Variants in FUBP3 observed in about 807,000 individuals in gnomAD.
FUBP3 encodes the protein far upstream element binding protein 3.
Under a neutral mutation model 85.6 loss-of-function variants are expected in FUBP3, and 28 were observed. That is an observed-to-expected ratio of 0.33 (90% CI 0.24 to 0.45). FUBP3 has a LOEUF of 0.45. Among genes scored for constraint, FUBP3 ranks in the 20% least tolerant of loss-of-function variants. FUBP3 has a pLI of 1.00. For missense variants in FUBP3, 583 were observed against 755.1 expected (o/e 0.77, Z 2.67); for synonymous variants, 271 against 271.4 (o/e 1.00, Z 0.01).
intron 5 of FUBP3, 51 bp from the exon 6 acceptor site, chr9:130,614,237 C>A: frequency 8.8e-7 from 1 of 1,140,026 alleles, no homozygotes; most frequent in Non-Finnish European, 1.3e-6. Flanking sequence ...GGCAGAGGTG[C>A]ATGTGCCCGG....
At chr9:130,611,026 C>T (rs1033247789) in intron 3 of FUBP3, among the ~76,000 whole-genome samples, 3 of 152,238 alleles carry the variant, frequency 2.0e-5, no homozygotes, top group East Asian at 1.9e-4. Flanking sequence ...TAGATTAGAA[C>T]GTTTTCTTCC....
chr9:130,611,195 A>T (rs1455903691), intron 3 of FUBP3, among the ~76,000 whole-genome samples: 1 of 152,202 alleles, frequency 6.6e-6, no homozygotes, highest in African/African-American at 2.4e-5. Flanking sequence ...GAGAGTAGAC[A>T]GAATAGACAG....
intron 1 of FUBP3, among the ~76,000 whole-genome samples, chr9:130,587,060 T>G (rs1231291201): frequency 3.2e-5 from 4 of 125,344 alleles, no homozygotes; most frequent in Admixed American, 1.6e-4. Context: ...TTTTTGTTTT[T>G]TTTTTTTGTT....
intron 2 of FUBP3, among the ~76,000 whole-genome samples, chr9:130,604,205 G>A (rs1400325851): frequency 6.6e-6 from 1 of 152,220 alleles, no homozygotes; most frequent in Non-Finnish European, 1.5e-5. Context: ...GTGGTTGCCA[G>A]TGGTTAGGGA....
intron 6 of FUBP3, among the ~76,000 whole-genome samples, chr9:130,615,184 C>G (rs1232217450): frequency 6.6e-6 from 1 of 152,188 alleles, no homozygotes; most frequent in Non-Finnish European, 1.5e-5. Flanking sequence ...TACAGGGCAA[C>G]TGGATGGTTT....
At chr9:130,598,186 A>G (rs967410410) in intron 2 of FUBP3, among the ~76,000 whole-genome samples, 1 of 152,178 alleles carries the variant, frequency 6.6e-6, no homozygotes, top group Admixed American at 6.5e-5. Flanking sequence ...TATTAGTGCT[A>G]ATTTCTTTCA....
At chr9:130,633,419 C>T (rs1830293370) in intron 16 of FUBP3, among the ~76,000 whole-genome samples, 1 of 152,198 alleles carries the variant, frequency 6.6e-6, no homozygotes, top group Admixed American at 6.5e-5. Flanking sequence ...AGATAATCCT[C>T]CAGGCAGCAA....
At position 130,612,630 on chromosome 9, in the gene FUBP3, A is replaced by G; in HGVS notation, c.274+125A>G. 1.4e-6 allele frequency: 1 copy of G among 723,436 alleles called. No homozygotes were observed. The highest frequency in any genetic ancestry group is 2.5e-6 in the Non-Finnish European group (1 of 406,988). 44.8% of individuals were successfully genotyped at this position (723,436 alleles called of 1,614,324 possible). A position where few individuals can be genotyped will look rare whatever the true frequency, so the allele number is the denominator to read the frequency against. On this transcript the variant is annotated intron_variant, in intron 4 of 18. Coordinates refer to ENST00000319725, the MANE Select transcript of FUBP3 (RefSeq NM_003934.2). The surrounding 1 kb of genome is among the most constrained non-coding windows in gnomAD (Gnocchi z 4.1). ...CTCTCTTGTGAGTATCACCTGTAGT[A>G]GAATGCTTTGCACATGCCATTCCCC...
chr9:130,583,716 T>TA (rs1468494348), intron 1 of FUBP3, among the ~76,000 whole-genome samples: 11 of 152,112 alleles, frequency 7.2e-5, no homozygotes, highest in African/African-American at 2.7e-4. Context: ...GCGGAGTGAG[T>TA]CTTCCTTAAA....
At chr9:130,606,691 A>C (rs1205753091) in intron 2 of FUBP3, among the ~76,000 whole-genome samples, 2 of 152,038 alleles carry the variant, frequency 1.3e-5, no homozygotes, top group African/African-American at 4.8e-5. Flanking sequence ...GTAGTGGCGC[A>C]TGCCTGTAAT....
Position 130,612,366 on chromosome 9 carries a change from C to T in FUBP3, c.225-90C>T, listed in dbSNP as rs367977850. The T allele has an allele frequency of 7.9e-6, 6 of 761,250 alleles. No homozygotes were observed. Among genetic ancestry groups the T allele is most frequent in the East Asian group, 4.9e-5 (2 of 40,412 alleles). The allele number at this position is 761,250 out of a possible 1,614,324, so 47.2% of individuals were successfully genotyped here. The stretch of plus-strand genomic sequence containing the variant: ...TGATGTATTTTAAGCTTTTATCATG[C>T]AACATTGCCAGTATGGGCAGTTTGG... On this transcript the variant is annotated intron_variant, in intron 3 of 18. Coordinates refer to ENST00000319725, the MANE Select transcript of FUBP3 (RefSeq NM_003934.2). The surrounding 1 kb of genome is among the most constrained non-coding windows in gnomAD (Gnocchi z 4.1).
intron 2 of FUBP3, among the ~76,000 whole-genome samples, chr9:130,600,214 T>C (rs992186763): frequency 1.3e-5 from 2 of 151,032 alleles, no homozygotes; most frequent in African/African-American, 4.9e-5. Flanking sequence ...AGCAGTGTAT[T>C]TGCCCTCTGC....
chr9:130,627,960 C>G (rs980140882), intron 12 of FUBP3, among the ~76,000 whole-genome samples: 2 of 152,106 alleles, frequency 1.3e-5, no homozygotes, highest in African/African-American at 4.8e-5. Flanking sequence ...TCCTAGAAAA[C>G]AGTGATGAGA....
At chr9:130,622,306 C>T (rs983599930) in intron 9 of FUBP3, among the ~76,000 whole-genome samples, 18 of 134,442 alleles carry the variant, frequency 1.3e-4, no homozygotes, top group South Asian at 1.2e-3. Context: ...GGCAACAGAG[C>T]GAGACTCCAT....
intron 1 of FUBP3, among the ~76,000 whole-genome samples, chr9:130,587,147 C>T (rs12338941): frequency 0.12 from 18,246 of 150,946 alleles, 1,356 homozygotes; most frequent in East Asian, 0.23. Flanking sequence ...TCACTGCAAC[C>T]TCCGCCTCCT....
intron 11 of FUBP3, among the ~76,000 whole-genome samples, chr9:130,625,122 T>C (rs1829917510): frequency 6.6e-6 from 1 of 152,172 alleles, no homozygotes; most frequent in Non-Finnish European, 1.5e-5. Flanking sequence ...GGCAGGAGAA[T>C]TGCTTAAACC....
intron 12 of FUBP3, among the ~76,000 whole-genome samples, chr9:130,627,788 G>A (rs73656027): frequency 0.017 from 2,591 of 152,238 alleles, 85 homozygotes; most frequent in African/African-American, 0.059. Context: ...TAGATTTCTT[G>A]GCCTTTTGCA....
Position 130,616,599 on chromosome 9 carries a change from T to A in FUBP3, c.567+82T>A, listed in dbSNP as rs756121136. 6.2e-5 allele frequency: 80 copies of A among 1,299,842 alleles called. No homozygotes were observed. The highest frequency in any genetic ancestry group is 8.1e-5 in the Non-Finnish European group (74 of 911,182). 80.5% of individuals were successfully genotyped at this position (1,299,842 alleles called of 1,614,324 possible). Reference sequence around the variant, plus strand: ...CTGGCCCAGGAGATCTGCTTACGGCTGGCATTCCCTGGCTGGGCTGGCTTT... The same window carrying A: ...CTGGCCCAGGAGATCTGCTTACGGCAGGCATTCCCTGGCTGGGCTGGCTTT... On this transcript the variant is annotated intron_variant, in intron 7 of 18. Coordinates refer to ENST00000319725, the MANE Select transcript of FUBP3 (RefSeq NM_003934.2). The surrounding 1 kb of genome is among the most constrained non-coding windows in gnomAD (Gnocchi z 4.7).
intron 6 of FUBP3, among the ~76,000 whole-genome samples, chr9:130,614,704 T>G (rs771796654): frequency 5.4e-4 from 82 of 152,222 alleles, no homozygotes; most frequent in Admixed American, 4.6e-4. Flanking sequence ...CTTGGTGAGC[T>G]ACTGAGAATC....
Sources: gnomAD v4.1 joint callset for allele counts (sites outside exome capture counted in the v4.1 genomes callset) on GRCh38, gnomAD v4.1.1 for gene constraint, Gnocchi (gnomAD v3.1) non-coding constraint, MANE v1.5 for transcripts, NCBI Gene and HGNC (gene_info 2026-07-23, HGNC 2026-07-21) for gene names.